The following AFG2A variants were observed in gnomAD, a reference collection of about 807,000 sequenced individuals.
AFG2A encodes AAA ATPase AFG2A, also known as ATPase family gene 2 protein homolog A.
the AFG2A span, among the ~76,000 whole-genome samples, chr4:123,149,798 CTTTTTTTTTTT>C: frequency 1.6e-5 from 2 of 121,610 alleles, no homozygotes; most frequent in African/African-American, 4.1e-5. Context: ...TAGGAAATAG[CTTTTTTTTTTT>C]TTTTTTTTTT....
chr4:123,211,994 G>A, the AFG2A span, among the ~76,000 whole-genome samples: 46 of 152,170 alleles, frequency 3.0e-4, no homozygotes, highest in South Asian at 7.1e-3. Flanking sequence ...ATGTATTGAA[G>A]GTGGGAACAA....
chr4:123,017,414 A>ATTTTTTTTTTTTTTTTTTTT, the AFG2A span, among the ~76,000 whole-genome samples: 12 of 74,718 alleles, frequency 1.6e-4, no homozygotes, highest in South Asian at 5.8e-4. Context: ...AGCATGGGAA[A>ATTTTTTTTTTTTTTTTTTTT]TTTTTTTTTT....
the AFG2A span, among the ~76,000 whole-genome samples, chr4:123,208,971 G>A: frequency 2.0e-5 from 3 of 152,190 alleles, no homozygotes; most frequent in Non-Finnish European, 4.4e-5. Context: ...ATAGGACTGG[G>A]ACTTGAAGTC....
the AFG2A span, among the ~76,000 whole-genome samples, chr4:123,241,672 A>T: frequency 6.6e-6 from 1 of 152,330 alleles, no homozygotes; most frequent in Non-Finnish European, 1.5e-5. Context: ...CACAGCCAAT[A>T]TCATACTGAA....
At chr4:122,937,659 T>G in the AFG2A span, among the ~76,000 whole-genome samples, 1 of 152,254 alleles carries the variant, frequency 6.6e-6, no homozygotes, top group Non-Finnish European at 1.5e-5. Flanking sequence ...AGTTGAGATT[T>G]CCTTCTGTGA....
chr4:123,166,942 C>T, the AFG2A span, among the ~76,000 whole-genome samples: 8 of 152,064 alleles, frequency 5.3e-5, no homozygotes, highest in Non-Finnish European at 1.2e-4. Context: ...AGCACACACT[C>T]TGGATTTAAA....
the AFG2A span, among the ~76,000 whole-genome samples, chr4:122,965,545 A>G: frequency 1.3e-5 from 2 of 152,206 alleles, no homozygotes; most frequent in Non-Finnish European, 2.9e-5. Flanking sequence ...TAAAAATTTT[A>G]AGAGCACTGG....
chr4:123,115,547 T>G, the AFG2A span, among the ~76,000 whole-genome samples: 4 of 152,080 alleles, frequency 2.6e-5, no homozygotes, highest in Non-Finnish European at 5.9e-5. Context: ...TGGGTCCAAC[T>G]CTGCCTTGAG....
the AFG2A span, among the ~76,000 whole-genome samples, chr4:123,278,948 G>C: frequency 2.6e-5 from 4 of 152,106 alleles, no homozygotes; most frequent in Non-Finnish European, 5.9e-5. Context: ...GTCATGTGCT[G>C]AGCCTTTAAG....
the AFG2A span, among the ~76,000 whole-genome samples, chr4:123,306,740 A>G: frequency 6.6e-6 from 1 of 152,142 alleles, no homozygotes; most frequent in Non-Finnish European, 1.5e-5. Context: ...TATTTTTAGT[A>G]GAAACGGGGT....
the AFG2A span, among the ~76,000 whole-genome samples, chr4:123,128,979 C>T: frequency 6.6e-6 from 1 of 151,804 alleles, no homozygotes; most frequent in African/African-American, 2.4e-5. Context: ...TGCTTTTTTT[C>T]ATCTTGAAGT....
chr4:123,096,512 A>C, the AFG2A span, among the ~76,000 whole-genome samples: 1 of 152,048 alleles, frequency 6.6e-6, no homozygotes, highest in Non-Finnish European at 1.5e-5. Context: ...TTGAATCTTA[A>C]GGAAAACATG....
At chr4:123,291,762 T>C in the AFG2A span, among the ~76,000 whole-genome samples, 11 of 152,226 alleles carry the variant, frequency 7.2e-5, no homozygotes, top group Non-Finnish European at 1.0e-4. Flanking sequence ...ATCTTTCCTT[T>C]CAAGTTATCT....
chr4:122,939,519 C>T, the AFG2A span, among the ~76,000 whole-genome samples: 1 of 152,060 alleles, frequency 6.6e-6, no homozygotes. Context: ...ACTTTTCATG[C>T]TGGATTATGA....
chr4:123,016,799 G>C, the AFG2A span, among the ~76,000 whole-genome samples: 1 of 152,182 alleles, frequency 6.6e-6, no homozygotes, highest in Admixed American at 6.5e-5. Flanking sequence ...GTAGCGAGCT[G>C]AGATCACGCC....
At chr4:123,202,279 G>C in the AFG2A span, among the ~76,000 whole-genome samples, 1 of 151,796 alleles carries the variant, frequency 6.6e-6, no homozygotes, top group African/African-American at 2.4e-5. Context: ...ATATACCTGA[G>C]TACTTTTTAG....
chr4:123,237,025 A>G, the AFG2A span, among the ~76,000 whole-genome samples: 9 of 152,230 alleles, frequency 5.9e-5, no homozygotes, highest in African/African-American at 2.2e-4. Flanking sequence ...AAGTTCACCA[A>G]GTGATTGTGA....
the AFG2A span, among the ~76,000 whole-genome samples, chr4:123,258,858 C>CTTTT: frequency 3.0e-4 from 27 of 90,326 alleles, no homozygotes; most frequent in Non-Finnish European, 3.8e-4. Context: ...GATACTGGTA[C>CTTTT]TTTTTTTTTT....
the AFG2A span, among the ~76,000 whole-genome samples, chr4:123,224,519 G>T: frequency 6.6e-6 from 1 of 152,106 alleles, no homozygotes; most frequent in Non-Finnish European, 1.5e-5. Context: ...CTTCATCCAT[G>T]TCCCTACAAA....
Sources: allele counts gnomAD v4.1 joint callset (sites outside exome capture counted in the v4.1 genomes callset), GRCh38; gene constraint gnomAD v4.1.1; transcripts MANE v1.5; gene names NCBI Gene and HGNC (gene_info 2026-07-23, HGNC 2026-07-21).